The following COQ6 variants were observed in gnomAD, a reference collection of about 807,000 sequenced individuals.
COQ6 encodes the protein ubiquinone biosynthesis monooxygenase COQ6, mitochondrial.
A neutral mutation model predicts 55.5 loss-of-function variants in COQ6; 45 were observed. The observed-to-expected ratio is 0.81, with a 90% confidence interval of 0.64 to 1.04. The LOEUF (loss-of-function observed/expected upper bound fraction) is 1.04. Ranked by LOEUF, COQ6 falls within the 50% of genes least tolerant of loss-of-function variation. The pLI is 0.00. For synonymous variants in COQ6, 206 were observed against 230.5 expected, an observed-to-expected ratio of 0.89 and a Z score of 0.96; for missense variants, 550 against 601.3, an observed-to-expected ratio of 0.91 and a Z score of 0.89.
chr14:73,951,577 C>G (rs1594784672), intron 1 of COQ6, among the ~76,000 whole-genome samples: 1 of 151,798 alleles, frequency 6.6e-6, no homozygotes, highest in East Asian at 1.9e-4. Flanking sequence ...CCACCTGCCC[C>G]TTCCTCCCAA....
chr14:73,950,099 G>A (rs774369096), upstream of COQ6: 1 of 1,603,934 alleles, frequency 6.2e-7, no homozygotes, highest in Non-Finnish European at 8.5e-7. Flanking sequence ...AGCTATGCGG[G>A]GCCAGGGTCC....
Position 73,959,043 on chromosome 14 carries a change from C to T in COQ6, c.685C>T (p.Gln229Ter), listed in dbSNP as rs1421817553. Residue 229 changes from glutamine to a stop codon, truncating the protein, a stop_gained, in exon 6 of 12, where the codon CAG (glutamine) becomes TAG (stop). Coordinates refer to ENST00000334571, the MANE Select transcript of COQ6 (RefSeq NM_182476.3). LOFTEE classifies it high-confidence loss of function. The stretch of plus-strand genomic sequence containing the variant: ...CCAGAATGTGAGCTGGAACTATGAC[C>T]AGTCTGCTGTTGTGGCTACTCTGCA... ...GIQNVSWNYD[Q>*]SAVVATLHLS... is the part of the protein sequence containing the mutation. The T allele has an allele frequency of 1.9e-6, 3 of 1,614,056 alleles. No individual in the cohort carries two copies. In the East Asian group the frequency reaches 6.7e-5, roughly 36 times the overall value.
At chr14:73,956,050 T>TGCG in intron 4 of COQ6, 122 bp downstream of exon 4, 2 of 1,459,258 alleles carry the variant, frequency 1.4e-6, no homozygotes, top group South Asian at 2.3e-5. Context: ...GATGGCCGGG[T>TGCG]GCGGTGGCTC....
At chr14:73,954,936 C>CTTTTTTTTTTTTT (rs35787543) in intron 2 of COQ6, among the ~76,000 whole-genome samples, 1 of 126,178 alleles carries the variant, frequency 7.9e-6, no homozygotes, top group Non-Finnish European at 1.6e-5. Context: ...GAAGCTGAGT[C>CTTTTTTTTTTTTT]TTTTTTTTTT....
intron 8 of COQ6, chr14:73,960,616 A>G (rs961440258): frequency 6.7e-6 from 7 of 1,040,294 alleles, no homozygotes; most frequent in East Asian, 7.7e-5. Flanking sequence ...TGTCCTTTCT[A>G]TGTAGCAGGC....
At position 73,961,800 on chromosome 14, in the gene COQ6, C is replaced by T. The variant is rs1475557756; in HGVS notation, c.1274C>T (p.Ala425Val). 1.2e-6 allele frequency: 2 copies of T among 1,614,156 alleles called. No homozygotes were observed. Among genetic ancestry groups the T allele is most frequent in the South Asian group, 1.1e-5 (1 of 91,084 alleles). ...ERQRHNTALL[A>V]ATDLLKRLYS... Reference sequence around the variant, plus strand: ...CAGCGTCACAACACTGCTCTTCTGGCTGCTACAGACTTACTAAAAAGGCTC... The same window carrying T: ...CAGCGTCACAACACTGCTCTTCTGGTTGCTACAGACTTACTAAAAAGGCTC... The change falls in exon 11 of 12, where the codon GCT becomes GTT. Residue 425 changes from alanine to valine, a missense_variant. By Grantham distance (64) the Ala-to-Val change is moderately conservative. Transcript: ENST00000334571.
rs2140400606 is a variant in COQ6 at position 73,958,873 on chromosome 14, ACAAT to A, written c.613-95_613-92del. On this transcript the variant is annotated intron_variant, in intron 5 of 11. Coordinates refer to ENST00000334571, the MANE Select transcript of COQ6 (RefSeq NM_182476.3). Reference sequence around the variant, plus strand: ...CCTGATGGAATTATCCTGCCACACAACAATCAGAGCTGGAGGAAACTTTAGGGAG... The same window carrying A: ...CCTGATGGAATTATCCTGCCACACAACAGAGCTGGAGGAAACTTTAGGGAG... 4 of 1,560,786 alleles carry A rather than the reference ACAAT, an allele frequency of 2.6e-6. No homozygotes were observed. In the East Asian group the frequency reaches 9.6e-5, roughly 37 times the overall value.
Position 73,961,312 on chromosome 14 carries a change from TTC to T in COQ6, c.1033_1034del (p.Leu345ValfsTer10). The T allele has an allele frequency of 6.2e-7, 1 of 1,614,016 alleles. No individual in the cohort carries two copies. Among genetic ancestry groups the T allele is most frequent in the Non-Finnish European group, 8.5e-7 (1 of 1,179,996 alleles). On this transcript the variant is annotated frameshift_variant, in exon 9 of 12. Coordinates refer to ENST00000334571, the MANE Select transcript of COQ6 (RefSeq NM_182476.3). LOFTEE classifies it high-confidence loss of function. ...GCCAGGGTGGATGCCAAAAGCCGAGTTCTGTTTCCTCTTGGGTTGGGACATGC... is the reference window on the plus strand; with the variant it reads ...GCCAGGGTGGATGCCAAAAGCCGAGTTGTTTCCTCTTGGGTTGGGACATGC...
intron 2 of COQ6, 76 bp from the exon 3 acceptor site, chr14:73,955,375 G>A (rs537163715): frequency 1.1e-5 from 12 of 1,076,694 alleles, no homozygotes; most frequent in South Asian, 3.7e-5. Flanking sequence ...AACCTCTTAC[G>A]TAACAGGATG....
At position 73,961,916 on chromosome 14, in the gene COQ6, T is replaced by A. The variant is rs1327768951; in HGVS notation, c.1377+13T>A. 1 of 1,613,956 alleles carries A rather than the reference T, an allele frequency of 6.2e-7. No individual in the cohort carries two copies. Among genetic ancestry groups the A allele is most frequent in the East Asian group, 2.2e-5 (1 of 44,890 alleles). On this transcript the variant is annotated intron_variant, in intron 11 of 11. Coordinates refer to ENST00000334571, the MANE Select transcript of COQ6 (RefSeq NM_182476.3). ...GTCTCCACTCAAAGTAAGAGGTTGC[T>A]CAGAGGAATGACTTTGCAAACAGCT... is the stretch of plus-strand genomic sequence containing the variant.
Position 73,959,044 on chromosome 14 carries a change from A to C in COQ6, c.686A>C (p.Gln229Pro), listed in dbSNP as rs1446126959. Residue 229 changes from glutamine (Q) to proline (P), a missense_variant, in exon 6 of 12, where the codon CAG becomes CCG. Coordinates refer to ENST00000334571, the MANE Select transcript of COQ6 (RefSeq NM_182476.3). ...GIQNVSWNYDQSAVVATLHLS... is the reference protein window; with the variant it reads ...GIQNVSWNYDPSAVVATLHLS... ...CAGAATGTGAGCTGGAACTATGACC[A>C]GTCTGCTGTTGTGGCTACTCTGCAT... The C allele has an allele frequency of 6.2e-7, 1 of 1,614,196 alleles. No individual in the cohort carries two copies. The highest frequency in any genetic ancestry group is 2.2e-5 in the East Asian group (1 of 44,882).
rs751939779 is a variant in COQ6, at chr14:73,950,325, T to G, written c.-8T>G. 1 of 1,549,308 alleles carries G rather than the reference T, an allele frequency of 6.5e-7. No homozygotes were observed. Among genetic ancestry groups the G allele is most frequent in the Non-Finnish European group, 8.7e-7 (1 of 1,150,236 alleles). On this transcript the variant is annotated 5_prime_UTR_variant, in exon 1 of 12. Coordinates refer to ENST00000334571, the MANE Select transcript of COQ6 (RefSeq NM_182476.3). ...GGAGTTCTGAGTGCGACGGCGCAGGTCTGCACCATGGCGGCCCGGCTTGTC... is the reference window on the plus strand; with the variant it reads ...GGAGTTCTGAGTGCGACGGCGCAGGGCTGCACCATGGCGGCCCGGCTTGTC...
chr14:73,961,343 T>C lies in COQ6; in HGVS notation c.1062T>C (p.Ala354=), dbSNP rs1158996424. The C allele has an allele frequency of 6.2e-7, 1 of 1,614,094 alleles. No individual in the cohort carries two copies. The highest frequency in any genetic ancestry group is 8.5e-7 in the Non-Finnish European group (1 of 1,180,040). ...VLFPLGLGHA[A]EYVRPRVALI... ...TTCCTCTTGGGTTGGGACATGCTGC[T>C]GAGTACGTCAGGCCTCGGGTGGCGC... is the stretch of plus-strand genomic sequence containing the variant. Residue 354 remains alanine, a synonymous_variant, in exon 9 of 12, where the codon GCT becomes GCC. Transcript: ENST00000334571.
intron 2 of COQ6, among the ~76,000 whole-genome samples, chr14:73,954,839 G>C (rs139022996): frequency 2.0e-5 from 2 of 101,258 alleles, no homozygotes; most frequent in African/African-American, 7.8e-5. Context: ...GCGAGATTCC[G>C]TCTCAAAAAA....
chr14:73,954,144 T>C (rs542815272), intron 2 of COQ6, among the ~76,000 whole-genome samples: 3 of 152,356 alleles, frequency 2.0e-5, no homozygotes, highest in Non-Finnish European at 4.4e-5. Flanking sequence ...CATTATATTA[T>C]GTGTTTGTTT....
chr14:73,958,946 T>C, intron 5 of COQ6, 25 bp from the exon 6 acceptor site: 5 of 1,612,984 alleles, frequency 3.1e-6, no homozygotes, highest in Non-Finnish European at 3.4e-6. Context: ...GCTGGAAGAC[T>C]TAGCAGGCTC....
chr14:73,951,529 T>C (rs1313234033), intron 1 of COQ6, among the ~76,000 whole-genome samples: 1 of 151,752 alleles, frequency 6.6e-6, no homozygotes, highest in Non-Finnish European at 1.5e-5. Flanking sequence ...GGTTTCACCA[T>C]ATTGGCCAGG....
chr14:73,950,676 T>G (rs966582990), intron 1 of COQ6, 181 bp downstream of exon 1: 188 of 935,744 alleles, frequency 2.0e-4, no homozygotes, highest in Non-Finnish European at 2.8e-4. Flanking sequence ...CAGGGTCCAT[T>G]AGGGTCAAAA....
At chr14:73,962,903 A>G in intron 11 of COQ6, 67 bp from the exon 12 acceptor site, 2 of 1,307,838 alleles carry the variant, frequency 1.5e-6, no homozygotes, top group Non-Finnish European at 2.2e-6. Flanking sequence ...CGTGATTATT[A>G]TCTACAATAA....
Sources: gnomAD v4.1 joint callset for allele counts (sites outside exome capture counted in the v4.1 genomes callset) on GRCh38, gnomAD v4.1.1 for gene constraint, MANE v1.5 for transcripts, NCBI Gene and HGNC (gene_info 2026-07-23, HGNC 2026-07-21) for gene names.